CSMD1: variants seen among roughly 807,000 people sequenced by gnomAD.
The protein encoded by CSMD1 is CUB and sushi domain-containing protein 1.
In CSMD1, 213 loss-of-function variants were observed where a neutral mutation model predicts 417.5. The ratio of observed to expected loss-of-function variants is 0.51; its 90% confidence interval spans 0.46 to 0.57. The LOEUF is 0.57. CSMD1 is among the 20% of genes least tolerant of loss of function. The pLI is 0.00. For missense variants in CSMD1, 6,923 were observed against 4,529.7 expected (o/e 1.53, Z -15.17); for synonymous variants, 2,862 against 1,736.8 (o/e 1.65, Z -16.11).
At chr8:4,182,566 G>A (rs763893789) in intron 3 of CSMD1, among the ~76,000 whole-genome samples, 6 of 152,230 alleles carry the variant, frequency 3.9e-5, no homozygotes, top group African/African-American at 7.2e-5. Flanking sequence ...AATGATGTAT[G>A]ATCACAGAAA....
chr8:3,899,350 C>T (rs772102635), intron 5 of CSMD1, among the ~76,000 whole-genome samples: 1 of 152,180 alleles, frequency 6.6e-6, no homozygotes, highest in African/African-American at 2.4e-5. Context: ...GTTTGCTGGA[C>T]AGATTCTCCG....
At chr8:3,017,176 T>A (rs1435907307) in intron 52 of CSMD1, among the ~76,000 whole-genome samples, 1 of 152,234 alleles carries the variant, frequency 6.6e-6, no homozygotes, top group Non-Finnish European at 1.5e-5. Context: ...TGGTACATAC[T>A]GTCAGACGTG....
At chr8:4,354,741 G>C (rs1320271030) in intron 3 of CSMD1, among the ~76,000 whole-genome samples, 1 of 152,032 alleles carries the variant, frequency 6.6e-6, no homozygotes, top group Non-Finnish European at 1.5e-5. Context: ...AAGTGATGCA[G>C]GTGTTTGAAT....
At chr8:4,655,378 A>T (rs1327213357) in intron 1 of CSMD1, among the ~76,000 whole-genome samples, 1 of 152,048 alleles carries the variant, frequency 6.6e-6, no homozygotes, top group Non-Finnish European at 1.5e-5. Flanking sequence ...AGGAGACCAA[A>T]CAAAACTAAG....
chr8:3,491,061 G>C (rs1197056162), intron 11 of CSMD1, among the ~76,000 whole-genome samples: 1 of 152,000 alleles, frequency 6.6e-6, no homozygotes, highest in East Asian at 1.9e-4. Context: ...TGTTCCTGAA[G>C]GTATAGCAAA....
At chr8:4,376,887 G>C (rs906379419) in intron 3 of CSMD1, among the ~76,000 whole-genome samples, 10 of 152,130 alleles carry the variant, frequency 6.6e-5, no homozygotes, top group Non-Finnish European at 1.2e-4. Context: ...ATTTGACTTG[G>C]ATTTTGTATT....
chr8:3,083,996 C>T lies in CSMD1; in HGVS notation c.7474+3101G>A, dbSNP rs114436072. 4.4e-3 allele frequency among the ~76,000 whole-genome samples: 672 copies of T among 152,156 alleles called. 4 individuals carry two copies. Among genetic ancestry groups the T allele is most frequent in the African/African-American group, 0.015 (643 of 41,508 alleles). ...TATTTTTCGTTATTACACTGTGAATCCCTTGGAAGGAAACAAATCTTTTTG... is the reference window on the plus strand; with the variant it reads ...TATTTTTCGTTATTACACTGTGAATTCCTTGGAAGGAAACAAATCTTTTTG... On this transcript the variant is annotated intron_variant, in intron 49 of 69. Coordinates refer to ENST00000635120, the MANE Select transcript of CSMD1 (RefSeq NM_033225.6).
chr8:2,971,129 G>T (rs1250731172), intron 57 of CSMD1, among the ~76,000 whole-genome samples: 2 of 152,064 alleles, frequency 1.3e-5, no homozygotes, highest in African/African-American at 4.8e-5. Flanking sequence ...ATTATTAAAA[G>T]AATGAAATGT....
Position 3,110,288 on chromosome 8 carries a change from G to A in CSMD1, c.6478C>T (p.Pro2160Ser). 1 of 1,613,454 alleles carries A rather than the reference G, an allele frequency of 6.2e-7. No homozygotes were observed. The highest frequency in any genetic ancestry group is 8.5e-7 in the Non-Finnish European group (1 of 1,179,724). Residue 2160 changes from proline to serine, a missense_variant, in exon 43 of 70, where the codon CCT becomes TCT. By Grantham distance (74) the Pro-to-Ser change is moderately conservative. Coordinates refer to ENST00000635120, the MANE Select transcript of CSMD1 (RefSeq NM_033225.6). ...ATCGGATACTCATCAGGAAAGCCAG[G>A]GGAGTAGATGGTGCCGTTCTGAGAA... ...VTSQNGTIYS[P>S]GFPDEYPILK...
At chr8:4,388,394 G>A (rs1283833889) in intron 3 of CSMD1, among the ~76,000 whole-genome samples, 1 of 151,362 alleles carries the variant, frequency 6.6e-6, no homozygotes, top group Non-Finnish European at 1.5e-5. Context: ...TGAATTAATG[G>A]CATTTGCAGA....
intron 27 of CSMD1, among the ~76,000 whole-genome samples, chr8:3,225,901 A>C (rs1165748067): frequency 6.6e-6 from 1 of 152,236 alleles, no homozygotes; most frequent in African/African-American, 2.4e-5. Flanking sequence ...CAGAGATGCT[A>C]GCAAATTCTC....
intron 7 of CSMD1, among the ~76,000 whole-genome samples, chr8:3,654,056 G>C (rs373169885): frequency 4.6e-5 from 7 of 152,088 alleles, no homozygotes; most frequent in East Asian, 3.9e-4. Context: ...CATCCAATTA[G>C]GCAGAAATCA....
intron 9 of CSMD1, among the ~76,000 whole-genome samples, chr8:3,581,127 C>G (rs1800365140): frequency 6.6e-6 from 1 of 152,118 alleles, no homozygotes; most frequent in African/African-American, 2.4e-5. Flanking sequence ...AAGAAGTTCT[C>G]TACATAAATC....
chr8:2,973,267 T>C lies in CSMD1; in HGVS notation c.8773A>G (p.Thr2925Ala). ...CCAAGCCGAGACCCATGTGCTGGGG[T>C]CCCCGGATCACCACAGAATCCAGGA... ...NNPGFCGDPG[T>A]PAHGSRLGDD... Residue 2925 changes from threonine (T) to alanine (A), a missense_variant, in exon 57 of 70, where the codon ACC becomes GCC. By Grantham distance (58) the Thr-to-Ala change is moderately conservative. Coordinates refer to ENST00000635120, the MANE Select transcript of CSMD1 (RefSeq NM_033225.6). 6.2e-7 allele frequency: 1 copy of C among 1,613,858 alleles called. No individual in the cohort carries two copies. Among genetic ancestry groups the C allele is most frequent in the South Asian group, 1.1e-5 (1 of 91,076 alleles).
chr8:4,849,620 A>T (rs1027264515), intron 1 of CSMD1, among the ~76,000 whole-genome samples: 9 of 152,244 alleles, frequency 5.9e-5, no homozygotes, highest in Non-Finnish European at 1.3e-4. Context: ...TTCTATTTTT[A>T]AAAATGCTCT....
intron 11 of CSMD1, among the ~76,000 whole-genome samples, chr8:3,481,458 C>A (rs1817746502): frequency 6.6e-6 from 1 of 152,130 alleles, no homozygotes; most frequent in African/African-American, 2.4e-5. Context: ...AGTTTCCATA[C>A]TTCAGGTGGT....
At chr8:3,906,283 T>C (rs1026435253) in intron 5 of CSMD1, among the ~76,000 whole-genome samples, 3 of 119,520 alleles carry the variant, frequency 2.5e-5, no homozygotes, top group Non-Finnish European at 4.0e-5. Context: ...ATAAAATCAA[T>C]TGTCATAGGG....
chr8:3,637,120 T>C lies in CSMD1; in HGVS notation c.1010-20323A>G, dbSNP rs537544640. ...CTATAGAAAATAAATTTCCTTCCTT[T>C]ATAAATTATCCCGTTTGTGCTATTC... On this transcript the variant is annotated intron_variant, in intron 7 of 69. Transcript: ENST00000635120. 3.9e-5 allele frequency among the ~76,000 whole-genome samples: 6 copies of C among 152,338 alleles called. No homozygotes were observed. In the East Asian group the frequency reaches 1.2e-3, roughly 29 times the overall value.
At chr8:4,004,382 G>A (rs1380140437) in intron 4 of CSMD1, among the ~76,000 whole-genome samples, 1 of 150,210 alleles carries the variant, frequency 6.7e-6, no homozygotes, top group Non-Finnish European at 1.5e-5. Context: ...TATTAGAGAT[G>A]CTGTTGTTTT....
Sources: allele counts gnomAD v4.1 joint callset (sites outside exome capture counted in the v4.1 genomes callset), GRCh38; gene constraint gnomAD v4.1.1; transcripts MANE v1.5; gene names NCBI Gene and HGNC (gene_info 2026-07-23, HGNC 2026-07-21).